The following SFMBT1 variants were observed in gnomAD, a reference collection of about 807,000 sequenced individuals.
SFMBT1 encodes scm-like with four MBT domains protein 1.
In SFMBT1, 32 loss-of-function variants were observed where a neutral mutation model predicts 108.7. The observed-to-expected ratio is 0.29, with a 90% CI of 0.22 to 0.40. The LOEUF (loss-of-function observed/expected upper bound fraction) is 0.40, where lower values mean the gene tolerates loss of function less well. Ranked by LOEUF, SFMBT1 falls within the 10% of genes least tolerant of loss-of-function variation. SFMBT1 has a pLI of 1.00. For synonymous variants in SFMBT1, 348 were observed against 369.5 expected, an observed-to-expected ratio of 0.94 and a Z score of 0.67; for missense variants, 816 against 1,059.6, an observed-to-expected ratio of 0.77 and a Z score of 3.19.
intron 17 of SFMBT1, among the ~76,000 whole-genome samples, chr3:52,907,979 C>G (rs1702114784): frequency 6.6e-6 from 1 of 152,134 alleles, no homozygotes; most frequent in Admixed American, 6.6e-5. Context: ...CAGTCAGTAC[C>G]CCTTACTAGA....
intron 1 of SFMBT1, among the ~76,000 whole-genome samples, chr3:53,038,690 G>T (rs1699941161): frequency 6.6e-6 from 1 of 152,146 alleles, no homozygotes; most frequent in Non-Finnish European, 1.5e-5. Flanking sequence ...CACAAATACA[G>T]AATTAAAGTG....
chr3:52,925,960 T>C, intron 10 of SFMBT1, 71 bp downstream of exon 10: 1 of 1,375,000 alleles, frequency 7.3e-7, no homozygotes, highest in Non-Finnish European at 1.0e-6. Context: ...AGCAATAACA[T>C]GGAAAGCAAG....
At chr3:53,020,883 C>T (rs1190042980) in intron 1 of SFMBT1, among the ~76,000 whole-genome samples, 1 of 152,154 alleles carries the variant, frequency 6.6e-6, no homozygotes. Flanking sequence ...ATGGAGAAAC[C>T]TTGTCTCTAC....
chr3:52,931,695 C>G (rs931580826), intron 6 of SFMBT1, among the ~76,000 whole-genome samples: 1 of 151,986 alleles, frequency 6.6e-6, no homozygotes, highest in African/African-American at 2.4e-5. Flanking sequence ...CAAAAATTAG[C>G]CGGGTGTGGT....
chr3:52,921,588 T>G, intron 11 of SFMBT1, 117 bp downstream of exon 11: 1 of 1,165,958 alleles, frequency 8.6e-7, no homozygotes, highest in Non-Finnish European at 1.2e-6. Context: ...TACAAAAGTC[T>G]CTGAACAAGA....
In SFMBT1 at chr3:52,907,568, G is replaced by T. The variant is rs1442552434; in HGVS notation, c.2072C>A (p.Ala691Glu). The change falls in exon 18 of 21, where the codon GCG (alanine) becomes GAG (glutamate). Residue 691 changes from alanine to glutamate, a missense_variant. This residue lies in a region of SFMBT1 where 177 missense variants were observed against 182.0 expected (regional missense o/e 0.97). Coordinates refer to ENST00000394752, the MANE Select transcript of SFMBT1 (RefSeq NM_016329.4). ...CAGATCTCATACCTGGGGAGAGCCC[G>T]CTGGGGTATTATCAACAGATGCAGA... is the stretch of plus-strand genomic sequence containing the variant. ...RSSASVDNTPAGSPQGSGGED... is the reference protein window; with the variant it reads ...RSSASVDNTPEGSPQGSGGED... 4 of 1,613,256 alleles carry T rather than the reference G, an allele frequency of 2.5e-6. No individual in the cohort carries two copies. Among genetic ancestry groups the T allele is most frequent in the African/African-American group, 1.3e-5 (1 of 74,850 alleles).
chr3:52,980,805 G>C (rs1704684620), intron 1 of SFMBT1, among the ~76,000 whole-genome samples: 1 of 152,154 alleles, frequency 6.6e-6, no homozygotes, highest in African/African-American at 2.4e-5. Context: ...GCTGTAGAAA[G>C]GCATACCTAT....
At chr3:52,934,202 T>C (rs1370268462) in intron 5 of SFMBT1, among the ~76,000 whole-genome samples, 3 of 152,150 alleles carry the variant, frequency 2.0e-5, no homozygotes, top group African/African-American at 2.4e-5. Flanking sequence ...GGCAAGGAAG[T>C]AGAGGGATGG....
chr3:52,961,119 G>A (rs1456212279), intron 2 of SFMBT1, among the ~76,000 whole-genome samples: 2 of 150,182 alleles, frequency 1.3e-5, no homozygotes, highest in South Asian at 2.1e-4. Flanking sequence ...GGCTGTTAGA[G>A]ACCCCATCCT....
At chr3:52,930,547 T>C (rs569442462) in intron 7 of SFMBT1, 117 bp from the exon 8 acceptor site, 3 of 639,288 alleles carry the variant, frequency 4.7e-6, no homozygotes, top group Non-Finnish European at 8.1e-6. Flanking sequence ...GTTTTCTTCT[T>C]TTTTTTAAAT....
intron 17 of SFMBT1, 40 bp downstream of exon 17, chr3:52,910,963 T>G (rs111542463): frequency 6.2e-7 from 1 of 1,601,076 alleles, no homozygotes; most frequent in Non-Finnish European, 8.6e-7. Context: ...TAAGGTATGG[T>G]CAGCTGCTAT....
intron 3 of SFMBT1, among the ~76,000 whole-genome samples, chr3:52,947,157 G>A (rs1415490077): frequency 1.4e-5 from 2 of 142,122 alleles, no homozygotes; most frequent in South Asian, 2.2e-4. Flanking sequence ...TCACTCTGTC[G>A]CACAGGCTGG....
chr3:53,022,602 G>A (rs961450028), intron 1 of SFMBT1, among the ~76,000 whole-genome samples: 2 of 152,042 alleles, frequency 1.3e-5, no homozygotes, highest in Non-Finnish European at 2.9e-5. Flanking sequence ...ATTCTGACAC[G>A]TGTTACAATG....
At chr3:52,918,130 C>T (rs1483333306) in intron 13 of SFMBT1, among the ~76,000 whole-genome samples, 1 of 152,108 alleles carries the variant, frequency 6.6e-6, no homozygotes. Flanking sequence ...TGTCTTCTAC[C>T]CCAGCTTTAT....
intron 18 of SFMBT1, 62 bp downstream of exon 18, chr3:52,907,493 C>T: frequency 1.9e-6 from 3 of 1,555,962 alleles, no homozygotes; most frequent in Non-Finnish European, 2.6e-6. Flanking sequence ...ATTCTGTGTC[C>T]ATACTATAAA....
Position 52,930,414 on chromosome 3 carries a change from C to A in SFMBT1, c.812G>T (p.Gly271Val). The change falls in exon 8 of 21, where the codon GGC becomes GTC. Residue 271 changes from glycine (G) to valine (V), a missense_variant. Physicochemically the swap from Gly to Val is moderately radical, Grantham distance 109. Transcript: ENST00000394752. ...CATGTTTACAGAGAATGTATGAATGCCAATAACTTGTTTGTCCTGAAATGC... is the reference window on the plus strand; with the variant it reads ...CATGTTTACAGAGAATGTATGAATGACAATAACTTGTTTGTCCTGAAATGC... Reference protein sequence around the residue: ...SYLFKDKQVIGIHTFSVNMKL... With the variant: ...SYLFKDKQVIVIHTFSVNMKL... 1 of 1,611,350 alleles carries A rather than the reference C, an allele frequency of 6.2e-7. No individual in the cohort carries two copies. Among genetic ancestry groups the A allele is most frequent in the Non-Finnish European group, 8.5e-7 (1 of 1,177,480 alleles).
At chr3:52,914,011 T>C (rs1385206582) in intron 14 of SFMBT1, among the ~76,000 whole-genome samples, 7 of 152,194 alleles carry the variant, frequency 4.6e-5, no homozygotes, top group Admixed American at 3.9e-4. Context: ...TTTATAGAAA[T>C]TGTTGAATAT....
In SFMBT1 at chr3:52,911,107, C is replaced by T. The variant is rs1702204944; in HGVS notation, c.1802G>A (p.Arg601Gln). 4.3e-6 allele frequency: 7 copies of T among 1,614,104 alleles called. No individual in the cohort carries two copies. The highest frequency in any genetic ancestry group is 2.2e-5 in the East Asian group (1 of 44,862). ...KTADRVTEFC[R>Q]QTCIKLECCP... ...GCATTCCAGTTTGATACAGGTTTGCCGGCAGAATTCAGTCACCCGATCTGC... is the reference window on the plus strand; with the variant it reads ...GCATTCCAGTTTGATACAGGTTTGCTGGCAGAATTCAGTCACCCGATCTGC... The change falls in exon 17 of 21, where the codon CGG (arginine) becomes CAG (glutamine). Residue 601 changes from arginine to glutamine, a missense_variant. By Grantham distance (43) the Arg-to-Gln change is conservative (BLOSUM62 1). Coordinates refer to ENST00000394752, the MANE Select transcript of SFMBT1 (RefSeq NM_016329.4).
chr3:52,932,721 G>T (rs1400436048), intron 5 of SFMBT1, among the ~76,000 whole-genome samples: 1 of 152,016 alleles, frequency 6.6e-6, no homozygotes. Context: ...GACCAGTGTG[G>T]CCAACATGGT....
Sources: gnomAD v4.1 joint callset for allele counts (sites outside exome capture counted in the v4.1 genomes callset) on GRCh38, gnomAD v4.1.1 for gene constraint, gnomAD v4.1.1 regional missense constraint, MANE v1.5 for transcripts, NCBI Gene and HGNC (gene_info 2026-07-23, HGNC 2026-07-21) for gene names.